Variants in LLGL2 observed in about 807,000 individuals in gnomAD.
LLGL2 encodes LLGL scribble cell polarity complex component 2.
Under a neutral mutation model 123.2 loss-of-function variants are expected in LLGL2, and 81 were observed. The ratio of observed to expected loss-of-function variants is 0.66; its 90% CI spans 0.55 to 0.79. LLGL2 has a LOEUF of 0.79. LLGL2 is among the 30% of genes least tolerant of loss of function. LLGL2 has a pLI of 0.00. For synonymous variants in LLGL2, 577 were observed against 594.1 expected (o/e 0.97, Z 0.42); for missense variants, 1,273 against 1,414.6 (o/e 0.90, Z 1.61).
chr17:75,554,580 G>A (rs11656381), intron 2 of LLGL2, among the ~76,000 whole-genome samples: 70,405 of 151,118 alleles, frequency 0.47, 17,518 homozygotes, highest in South Asian at 0.61. Flanking sequence ...AAATCATGCC[G>A]TAGCACCCAG....
chr17:75,537,565 G>A (rs2054051436), intron 1 of LLGL2, among the ~76,000 whole-genome samples: 1 of 152,082 alleles, frequency 6.6e-6, no homozygotes, highest in Non-Finnish European at 1.5e-5. Context: ...AGGCATGGTG[G>A]TGGACACCTG....
chr17:75,573,566 AG>A lies in LLGL2; in HGVS notation c.2812del (p.Ala938GlnfsTer38). 1.9e-6 allele frequency: 3 copies of A among 1,612,812 alleles called. No individual in the cohort carries two copies. ...TGGAGCCCCGGTGTCTGGTGGATTC[AG>A]CAGAAACCAAGAACCACCGCCCTGG... Reference protein sequence around the residue: ...LVEPRCLVDSAETKNHRPGNG... With the variant: ...LVEPRCLVDSXETKNHRPGNG... On this transcript the variant is annotated frameshift_variant, in exon 21 of 26. Coordinates refer to ENST00000392550, the MANE Select transcript of LLGL2 (RefSeq NM_001031803.2). LOFTEE classifies it high-confidence loss of function.
intron 1 of LLGL2, among the ~76,000 whole-genome samples, chr17:75,532,077 C>CACACACACACACT (rs58220046): frequency 7.9e-4 from 66 of 84,010 alleles, no homozygotes; most frequent in Middle Eastern, 7.7e-3. Flanking sequence ...CACACACACA[C>CACACACACACACT]TTTTTTTTTT....
rs2055029148 is a variant in LLGL2, at chr17:75,558,627, G to A, written c.371G>A (p.Gly124Glu). Residue 124 changes from glycine to glutamate, a missense_variant and splice_region_variant, in exon 5 of 26, where the codon GGG (glycine) becomes GAG (glutamate). Gly to Glu is a moderately conservative substitution (Grantham distance 98). Coordinates refer to ENST00000392550, the MANE Select transcript of LLGL2 (RefSeq NM_001031803.2). This position sits in a 1 kb window ranked among gnomAD's most constrained non-coding sequence, Gnocchi z 4.0. ...AGCTTCACACTGCGTGGACCCCCAG[G>A]GTAAGGGCTCAATCCCCAGCCCCTT... is the stretch of plus-strand genomic sequence containing the variant. The part of the protein sequence containing the change: ...DESFTLRGPP[G>E]AAPSATQITV... 4.4e-6 allele frequency: 7 copies of A among 1,595,954 alleles called. No homozygotes were observed. Among genetic ancestry groups the A allele is most frequent in the Non-Finnish European group, 6.0e-6 (7 of 1,171,522 alleles).
chr17:75,573,200 C>T lies in LLGL2; in HGVS notation c.2647C>T (p.Pro883Ser), dbSNP rs963325779. ...IQVVSLPLLK[P>S]QVRYSCIRRE... ...GGTGGTCTCGCTGCCCCTGCTCAAG[C>T]CCCAGGTGCGCTACAGCTGCATCCG... The change falls in exon 20 of 26, where the codon CCC becomes TCC. Residue 883 changes from proline to serine, a missense_variant. By Grantham distance (74) the Pro-to-Ser change is moderately conservative (BLOSUM62 -1). Transcript: ENST00000392550. The T allele has an allele frequency of 2.5e-6, 4 of 1,612,720 alleles. No homozygotes were observed. The highest frequency in any genetic ancestry group is 3.3e-5 in the Admixed American group (2 of 59,998).
intron 1 of LLGL2, among the ~76,000 whole-genome samples, chr17:75,537,809 CTTT>C (rs563954111): frequency 4.6e-5 from 6 of 130,192 alleles, no homozygotes; most frequent in East Asian, 2.2e-4. Flanking sequence ...GGAAGGTGAC[CTTT>C]TTTTTTTTTT....
chr17:75,563,968 G>A (rs752916177), intron 9 of LLGL2, among the ~76,000 whole-genome samples, 162 bp downstream of exon 9: 10 of 152,150 alleles, frequency 6.6e-5, no homozygotes, highest in Non-Finnish European at 1.0e-4. Flanking sequence ...CGCTATTCAC[G>A]TCTCTCAGCG....
intron 2 of LLGL2, among the ~76,000 whole-genome samples, chr17:75,550,120 T>C (rs2054599323): frequency 6.6e-6 from 1 of 152,190 alleles, no homozygotes; most frequent in Non-Finnish European, 1.5e-5. Flanking sequence ...GGTTTGAATC[T>C]GAGGAGAGAT....
At position 75,574,493 on chromosome 17, in the gene LLGL2, C is replaced by T. The variant is rs565197192; in HGVS notation, c.2994C>T (p.Arg998=). 98 of 1,558,830 alleles carry T rather than the reference C, an allele frequency of 6.3e-5. No homozygotes were observed. The South Asian group carries it at 6.6e-4, about 10-fold the overall frequency. ...KEIQSTLEGD[R]GSGNWRSHRA... ...TCCAGAGCACACTGGAGGGAGACCG[C>T]GGGTGAGGCACCGCCCAGGCCAGCT... Residue 998 remains arginine (R), a splice_region_variant and synonymous_variant, in exon 24 of 26, where the codon CGC becomes CGT. Coordinates refer to ENST00000392550, the MANE Select transcript of LLGL2 (RefSeq NM_001031803.2).
intron 6 of LLGL2, among the ~76,000 whole-genome samples, chr17:75,561,922 CA>C (rs943637166): frequency 0.018 from 2,573 of 141,850 alleles, 67 homozygotes; most frequent in African/African-American, 0.062. Context: ...ACTCCCATCT[CA>C]AAAAAAAAAA....
intron 1 of LLGL2, 123 bp from the exon 2 acceptor site, chr17:75,543,274 C>T (rs934742115): frequency 5.3e-5 from 32 of 599,862 alleles, no homozygotes; most frequent in Non-Finnish European, 8.3e-5. Context: ...GTGAAGCTGG[C>T]CTGGCCCCGG....
chr17:75,554,681 G>A (rs907528630), intron 2 of LLGL2, among the ~76,000 whole-genome samples: 8 of 151,446 alleles, frequency 5.3e-5, no homozygotes, highest in Non-Finnish European at 8.8e-5. Flanking sequence ...CAAGATGGGC[G>A]GATCGAGACC....
intron 14 of LLGL2, among the ~76,000 whole-genome samples, chr17:75,569,614 C>A (rs1011329325): frequency 6.6e-6 from 1 of 152,078 alleles, no homozygotes; most frequent in Admixed American, 6.6e-5. Context: ...ACCAGCCTGG[C>A]CAACATGGTG....
Position 75,532,375 on chromosome 17 carries a change from C to G in LLGL2, c.-31+6550C>G, listed in dbSNP as rs552234002. 2.0e-5 allele frequency: 3 copies of G among 152,160 alleles called. No homozygotes were observed. In the South Asian group the frequency reaches 6.2e-4, roughly 32 times the overall value. The allele number at this position is 152,160 out of a possible 1,614,324, so 9.4% of individuals were successfully genotyped here. A position where few individuals can be genotyped will look rare whatever the true frequency, so the allele number is the denominator to read the frequency against. ...ACACCATTCTCCTGACTCAGGCTCC[C>G]GAGTAGCTGGGATTACAGGCGCCCG... On this transcript the variant is annotated intron_variant, in intron 1 of 25. Coordinates refer to ENST00000392550, the MANE Select transcript of LLGL2 (RefSeq NM_001031803.2).
Position 75,559,421 on chromosome 17 carries a change from A to T in LLGL2, c.530+11A>T. On this transcript the variant is annotated intron_variant, in intron 6 of 25. Coordinates refer to ENST00000392550, the MANE Select transcript of LLGL2 (RefSeq NM_001031803.2). The surrounding 1 kb of genome is among the most constrained non-coding windows in gnomAD (Gnocchi z 4.6). ...CGCGGTGCTGCAGCGGTGAGCCCAGAGCCCAGCTGCTGTTAACTCCATCCC... is the reference window on the plus strand; with the variant it reads ...CGCGGTGCTGCAGCGGTGAGCCCAGTGCCCAGCTGCTGTTAACTCCATCCC... The T allele has an allele frequency of 6.3e-7, 1 of 1,593,574 alleles. No homozygotes were observed. Among genetic ancestry groups the T allele is most frequent in the East Asian group, 2.2e-5 (1 of 44,528 alleles).
At chr17:75,557,311 C>G (rs544568071) in intron 3 of LLGL2, among the ~76,000 whole-genome samples, 57 of 152,300 alleles carry the variant, frequency 3.7e-4, no homozygotes, top group Non-Finnish European at 6.6e-4. Context: ...CCAAATTCCA[C>G]CCCCACTCCC....
In LLGL2 at chr17:75,558,275, C is replaced by T. The variant is rs372542628; in HGVS notation, c.255+39C>T. 4.5e-6 allele frequency: 7 copies of T among 1,561,244 alleles called. No homozygotes were observed. Among genetic ancestry groups the T allele is most frequent in the Non-Finnish European group, 4.4e-6 (5 of 1,138,116 alleles). On this transcript the variant is annotated intron_variant, in intron 4 of 25. Coordinates refer to ENST00000392550, the MANE Select transcript of LLGL2 (RefSeq NM_001031803.2). The surrounding 1 kb of genome is among the most constrained non-coding windows in gnomAD (Gnocchi z 4.0). ...GGTGGGACAGGAAGCCACTTCCATG[C>T]CCTCCTTGCCTTCACTGCTTCCAGC...
chr17:75,572,900 A>C (rs2055789354), intron 19 of LLGL2, 114 bp from the exon 20 acceptor site: 1 of 1,293,148 alleles, frequency 7.7e-7, no homozygotes, highest in African/African-American at 1.5e-5. Flanking sequence ...TCTGAGAGCC[A>C]AGGGTTTGTC....
At chr17:75,542,735 AG>A (rs1445077501) in intron 1 of LLGL2, 4 of 152,346 alleles carry the variant, frequency 2.6e-5, no homozygotes, top group African/African-American at 9.7e-5. Context: ...GAGAGAGGGG[AG>A]GGGACCGGCA....
Sources: gnomAD v4.1 joint callset for allele counts (sites outside exome capture counted in the v4.1 genomes callset) on GRCh38, gnomAD v4.1.1 for gene constraint, Gnocchi (gnomAD v3.1) non-coding constraint, MANE v1.5 for transcripts, NCBI Gene and HGNC (gene_info 2026-07-23, HGNC 2026-07-21) for gene names.